The following OOSP2 variants were observed in gnomAD, a reference collection of about 807,000 sequenced individuals.
The protein encoded by OOSP2 is oocyte-secreted protein 2.
Under a neutral mutation model 13.4 loss-of-function variants are expected in OOSP2, and 7 were observed. The ratio of observed to expected loss-of-function variants is 0.52; its 90% CI spans 0.30 to 0.98. The LOEUF is 0.98. Ranked by LOEUF, OOSP2 falls within the 50% of genes least tolerant of loss-of-function variation. The pLI, the probability that OOSP2 is intolerant of heterozygous loss-of-function variation, is 0.07. For missense variants in OOSP2, 184 were observed against 188.5 expected (o/e 0.98, Z 0.14); for synonymous variants, 75 against 67.2 (o/e 1.12, Z -0.57).
At chr11:60,042,850 C>T (rs950434432) in intron 1 of OOSP2, among the ~76,000 whole-genome samples, 1 of 152,094 alleles carries the variant, frequency 6.6e-6, no homozygotes, top group African/African-American at 2.4e-5. Flanking sequence ...TATCCCCCTC[C>T]ATGGAATATT....
At chr11:60,046,716 T>A (rs1590603818) in intron 3 of OOSP2, 1 of 643,068 alleles carries the variant, frequency 1.6e-6, no homozygotes, top group East Asian at 3.1e-5. Flanking sequence ...CTACTCAGTG[T>A]TTGATGCAGA....
chr11:60,040,749 G>C (rs1273670941), intron 1 of OOSP2, among the ~76,000 whole-genome samples: 2 of 151,866 alleles, frequency 1.3e-5, no homozygotes, highest in African/African-American at 4.8e-5. Flanking sequence ...TCTCTGTTTT[G>C]GTCTTCTCTC....
chr11:60,040,647 T>C, intron 1 of OOSP2, 124 bp downstream of exon 1: 1 of 642,484 alleles, frequency 1.6e-6, no homozygotes, highest in South Asian at 1.8e-5. Flanking sequence ...GAAGAAGCGC[T>C]TTCAGGCCAA....
chr11:60,047,167 C>G lies in OOSP2; in HGVS notation c.*94C>G. On this transcript the variant is annotated 3_prime_UTR_variant, in exon 4 of 4. Transcript: ENST00000278855. ...TAGCAAAAATATAGTTGGTGTATAT[C>G]TCTCCTTAAGTCTCTGGTTTCTAAA... The G allele has an allele frequency of 9.5e-7, 1 of 1,049,172 alleles. No homozygotes were observed. The allele number at this position is 1,049,172 out of a possible 1,614,324, so 65.0% of individuals were successfully genotyped here. A position where few individuals can be genotyped will look rare whatever the true frequency, so the allele number is the denominator to read the frequency against.
chr11:60,046,861 T>C, intron 3 of OOSP2, 83 bp from the exon 4 acceptor site: 1 of 1,083,268 alleles, frequency 9.2e-7, no homozygotes, highest in Non-Finnish European at 1.4e-6. Flanking sequence ...ATTCTGTATA[T>C]GATCATGATA....
In OOSP2 at chr11:60,044,532, G is replaced by A. The variant is rs1854985037; in HGVS notation, c.244-139G>A. 9 of 469,728 alleles carry A rather than the reference G, an allele frequency of 1.9e-5. No homozygotes were observed. In the East Asian group the frequency reaches 2.6e-4, roughly 14 times the overall value. The allele number at this position is 469,728 out of a possible 1,614,324, so 29.1% of individuals were successfully genotyped here. A position where few individuals can be genotyped will look rare whatever the true frequency, so the allele number is the denominator to read the frequency against. ...TAACACTCCTCTTCTGTCCCAGTGA[G>A]TTGTCATATCTTTATTTATATTTAA... On this transcript the variant is annotated intron_variant, in intron 2 of 3. Transcript: ENST00000278855.
chr11:60,044,538 A>G (rs1854985073), intron 2 of OOSP2, 133 bp from the exon 3 acceptor site: 2 of 480,540 alleles, frequency 4.2e-6, no homozygotes, highest in East Asian at 6.4e-5. Flanking sequence ...GTGAGTTGTC[A>G]TATCTTTATT....
In OOSP2 at chr11:60,043,470, G is replaced by A. The variant is rs990105283; in HGVS notation, c.66G>A (p.Val22=). 1.9e-6 allele frequency: 3 copies of A among 1,608,324 alleles called. No homozygotes were observed. Among genetic ancestry groups the A allele is most frequent in the Non-Finnish European group, 2.6e-6 (3 of 1,175,122 alleles). ...CTTTTCATATGGTTCTTTCCACAGT[G>A]AAAATAAGTTGCTCTCTGGACTGGT... ...LIWTGAENLH[V]KISCSLDWLM... Residue 22 remains valine, a splice_region_variant and synonymous_variant, in exon 2 of 4, where the codon GTG becomes GTA. Coordinates refer to ENST00000278855, the MANE Select transcript of OOSP2 (RefSeq NM_173801.5).
chr11:60,043,054 G>A lies in OOSP2; in HGVS notation c.65-415G>A, dbSNP rs1854958203. On this transcript the variant is annotated intron_variant, in intron 1 of 3. Transcript: ENST00000278855. ...CGAGTAGCTGGGACTACAGGCGCTT[G>A]CCACCACACCCGGCTAATTTTTTGT... is the stretch of plus-strand genomic sequence containing the variant. 2.6e-5 allele frequency among the ~76,000 whole-genome samples: 4 copies of A among 152,124 alleles called. No homozygotes were observed. The South Asian group carries it at 8.3e-4, about 32-fold the overall frequency.
At chr11:60,043,052 T>C (rs570042956) in intron 1 of OOSP2, among the ~76,000 whole-genome samples, 286 of 151,900 alleles carry the variant, frequency 1.9e-3, no homozygotes, top group Non-Finnish European at 2.6e-3. Context: ...CTACAGGCGC[T>C]TGCCACCACA....
intron 3 of OOSP2, 128 bp downstream of exon 3, chr11:60,044,902 C>T (rs1239685808): frequency 2.3e-6 from 1 of 427,460 alleles, no homozygotes; most frequent in Non-Finnish European, 4.2e-6. Context: ...GTAAACAAAC[C>T]CCAAATTAGT....
At chr11:60,042,208 C>T (rs897539646) in intron 1 of OOSP2, among the ~76,000 whole-genome samples, 7 of 152,228 alleles carry the variant, frequency 4.6e-5, no homozygotes, top group African/African-American at 1.7e-4. Context: ...TATGGGCTTT[C>T]TGTGTGTCAT....
At position 60,045,632 on chromosome 11, in the gene OOSP2, A is replaced by C. The variant is rs149737672; in HGVS notation, c.347+858A>C. 3.0e-3 allele frequency among the ~76,000 whole-genome samples: 452 copies of C among 152,230 alleles called. 2 individuals are homozygous for C. The highest frequency in any genetic ancestry group is 9.4e-3 in the African/African-American group (389 of 41,544). On this transcript the variant is annotated intron_variant, in intron 3 of 3. Coordinates refer to ENST00000278855, the MANE Select transcript of OOSP2 (RefSeq NM_173801.5). ...TCTTGTACATTTGTACAAGTTGTAA[A>C]TTTGTTAAAATGTATATAATCTTTT...
At chr11:60,044,992 T>C (rs771928541) in intron 3 of OOSP2, among the ~76,000 whole-genome samples, 1 of 147,384 alleles carries the variant, frequency 6.8e-6, no homozygotes, top group Admixed American at 7.1e-5. Flanking sequence ...TAAAAACATA[T>C]AGATTTATAA....
rs942512905 is a variant in OOSP2 at position 60,043,590 on chromosome 11, A to G, written c.186A>G (p.Ile62Met). 6.2e-7 allele frequency: 1 copy of G among 1,608,878 alleles called. No individual in the cohort carries two copies. Among genetic ancestry groups the G allele is most frequent in the Non-Finnish European group, 8.5e-7 (1 of 1,175,346 alleles). Residue 62 changes from isoleucine to methionine, a missense_variant, in exon 2 of 4, where the codon ATA becomes ATG. Physicochemically the swap from Ile to Met is conservative, Grantham distance 10 (BLOSUM62 1). Coordinates refer to ENST00000278855, the MANE Select transcript of OOSP2 (RefSeq NM_173801.5). ...GAATGGGCTGCCCTGCAAATCGGAT[A>G]CATACATATGTATATGAGTTTATAT... is the stretch of plus-strand genomic sequence containing the variant. Reference protein sequence around the residue: ...HLGMGCPANRIHTYVYEFIYL... With the variant: ...HLGMGCPANRMHTYVYEFIYL...
chr11:60,046,534 C>T (rs560299425), intron 3 of OOSP2, among the ~76,000 whole-genome samples: 1 of 152,278 alleles, frequency 6.6e-6, no homozygotes, highest in African/African-American at 2.4e-5. Flanking sequence ...CTCTCATATT[C>T]ACTTACTCAC....
intron 2 of OOSP2, 99 bp from the exon 3 acceptor site, chr11:60,044,572 A>G (rs1298720463): frequency 1.8e-6 from 1 of 541,878 alleles, no homozygotes; most frequent in Admixed American, 3.0e-5. Context: ...GACAGTAGCC[A>G]TTTTTGAGAT....
chr11:60,042,420 TTGA>T (rs1854947470), intron 1 of OOSP2, among the ~76,000 whole-genome samples: 1 of 152,206 alleles, frequency 6.6e-6, no homozygotes, highest in South Asian at 2.1e-4. Context: ...TCTTACCTTG[TTGA>T]TGATTTCTCT....
intron 3 of OOSP2, 23 bp downstream of exon 3, chr11:60,044,797 C>A: frequency 8.8e-7 from 1 of 1,140,370 alleles, no homozygotes; most frequent in Non-Finnish European, 1.3e-6. Context: ...GATTTGATTC[C>A]TTTGGAATGT....
Sources: allele counts gnomAD v4.1 joint callset (sites outside exome capture counted in the v4.1 genomes callset), GRCh38; gene constraint gnomAD v4.1.1; transcripts MANE v1.5; gene names NCBI Gene and HGNC (gene_info 2026-07-23, HGNC 2026-07-21).